Variants in DCT observed in about 807,000 individuals in gnomAD.
DCT encodes L-dopachrome tautomerase.
A neutral mutation model predicts 53.0 loss-of-function variants in DCT; 47 were observed. The ratio of observed to expected loss-of-function variants is 0.89; its 90% CI spans 0.70 to 1.13. The LOEUF is 1.13. Among genes scored for constraint, DCT ranks in the 50% most tolerant of loss-of-function variants. The pLI, the probability that DCT is intolerant of heterozygous loss-of-function variation, is 0.00. For synonymous variants in DCT, 244 were observed against 237.0 expected (o/e 1.03, Z -0.27); for missense variants, 669 against 637.4 (o/e 1.05, Z -0.53).
the DCT span, among the ~76,000 whole-genome samples, chr13:94,521,188 C>G: frequency 6.6e-5 from 10 of 152,166 alleles, no homozygotes; most frequent in South Asian, 1.9e-3. Flanking sequence ...CTCTGAGTTT[C>G]TGCTACATAT....
the DCT span, among the ~76,000 whole-genome samples, chr13:94,514,456 T>G: frequency 6.6e-6 from 1 of 152,282 alleles, no homozygotes; most frequent in East Asian, 1.9e-4. Context: ...TAGCAGCTAG[T>G]AAGCAAAGTG....
chr13:94,542,298 C>T, the DCT span, among the ~76,000 whole-genome samples: 6 of 152,168 alleles, frequency 3.9e-5, no homozygotes, highest in African/African-American at 1.2e-4. Context: ...AAGCAATTCT[C>T]CCACTTCAGC....
chr13:94,501,054 C>CT, the DCT span, among the ~76,000 whole-genome samples: 675 of 152,084 alleles, frequency 4.4e-3, 3 homozygotes, highest in Non-Finnish European at 7.0e-3. Context: ...ATCACGAGGT[C>CT]AGCAGATAGA....
At chr13:94,536,741 G>A in the DCT span, among the ~76,000 whole-genome samples, 5 of 152,084 alleles carry the variant, frequency 3.3e-5, no homozygotes, top group East Asian at 5.8e-4. Flanking sequence ...CCAGGAGTTC[G>A]AGACCAGCCT....
intron 6 of DCT, chr13:94,452,548 T>G (rs1192964547): frequency 1.4e-6 from 1 of 734,886 alleles, no homozygotes; most frequent in Non-Finnish European, 2.5e-6. Context: ...GTAACATTTA[T>G]CAAATTTCAA....
intron 6 of DCT, among the ~76,000 whole-genome samples, chr13:94,453,103 T>A (rs1487489165): frequency 6.6e-6 from 1 of 152,130 alleles, no homozygotes; most frequent in East Asian, 1.9e-4. Context: ...ACATAATAGG[T>A]GCCTTATAGA....
the DCT span, among the ~76,000 whole-genome samples, chr13:94,528,727 C>A: frequency 6.6e-6 from 1 of 152,198 alleles, no homozygotes; most frequent in African/African-American, 2.4e-5. Flanking sequence ...GAAGAAACTG[C>A]ATCAATTAAC....
chr13:94,441,390 C>A (rs183656708), intron 7 of DCT, among the ~76,000 whole-genome samples: 1 of 152,284 alleles, frequency 6.6e-6, no homozygotes, highest in East Asian at 1.9e-4. Context: ...ACCACCTTGA[C>A]CATTTTTAAA....
chr13:94,484,685 G>A, the DCT span, among the ~76,000 whole-genome samples: 2 of 152,112 alleles, frequency 1.3e-5, no homozygotes, highest in African/African-American at 2.4e-5. Flanking sequence ...TTTCCTCTCT[G>A]CACATGCACT....
At chr13:94,522,889 G>C in the DCT span, among the ~76,000 whole-genome samples, 3 of 152,172 alleles carry the variant, frequency 2.0e-5, no homozygotes, top group Non-Finnish European at 4.4e-5. Context: ...GTTTTTCCTG[G>C]TACAGTCAAG....
intron 1 of DCT, among the ~76,000 whole-genome samples, chr13:94,470,507 T>A (rs1439741252): frequency 6.6e-6 from 1 of 152,152 alleles, no homozygotes; most frequent in Admixed American, 6.5e-5. Flanking sequence ...GAGGGTAAAA[T>A]TTAAATATCA....
chr13:94,439,587 T>A lies in DCT; in HGVS notation c.*311A>T, dbSNP rs1882125532. ...GTTTTGGGATTTTTTTTGTTTTTTT[T>A]TAAATGCTTTCAGAAAAGGAGGAGG... is the stretch of plus-strand genomic sequence containing the variant. On this transcript the variant is annotated 3_prime_UTR_variant, in exon 8 of 8. Transcript: ENST00000377028. The A allele has an allele frequency of 1.8e-5, 3 of 171,376 alleles. No homozygotes were observed. Among genetic ancestry groups the A allele is most frequent in the African/African-American group, 7.2e-5 (3 of 41,688 alleles). The allele number at this position is 171,376 out of a possible 1,614,324, so 10.6% of individuals were successfully genotyped here. A position where few individuals can be genotyped will look rare whatever the true frequency, so the allele number is the denominator to read the frequency against.
chr13:94,472,659 G>A (rs1489693394), intron 1 of DCT, among the ~76,000 whole-genome samples: 20 of 129,984 alleles, frequency 1.5e-4, no homozygotes, highest in Non-Finnish European at 2.5e-4. Context: ...TCAGCTCCCT[G>A]CAACAACCAC....
At chr13:94,549,164 G>T in the DCT span, among the ~76,000 whole-genome samples, 2 of 152,250 alleles carry the variant, frequency 1.3e-5, no homozygotes, top group African/African-American at 4.8e-5. Flanking sequence ...ACTGGGTTCC[G>T]CTCACCGGCA....
the DCT span, among the ~76,000 whole-genome samples, chr13:94,491,430 C>T: frequency 5.1e-4 from 78 of 151,810 alleles, no homozygotes; most frequent in African/African-American, 1.8e-3. Flanking sequence ...TCCAGTATGA[C>T]CTCATCTTAA....
At chr13:94,468,585 TA>T in intron 2 of DCT, 160 bp downstream of exon 2, 1 of 673,284 alleles carries the variant, frequency 1.5e-6, no homozygotes, top group Non-Finnish European at 2.6e-6. Context: ...TGCTTCCTTC[TA>T]ACTCCAGGCG....
chr13:94,477,834 C>T (rs1885194812), intron 1 of DCT, among the ~76,000 whole-genome samples: 1 of 152,156 alleles, frequency 6.6e-6, no homozygotes, highest in South Asian at 2.1e-4. Context: ...CTTCTGCAAC[C>T]ACCCAGCCTA....
At chr13:94,470,007 A>G (rs927835401) in intron 1 of DCT, among the ~76,000 whole-genome samples, 5 of 152,160 alleles carry the variant, frequency 3.3e-5, no homozygotes, top group African/African-American at 1.2e-4. Context: ...CCCGGGAAGT[A>G]GAGGTTGCAA....
chr13:94,446,178 C>G (rs1882716977), intron 6 of DCT, among the ~76,000 whole-genome samples: 1 of 152,188 alleles, frequency 6.6e-6, no homozygotes, highest in African/African-American at 2.4e-5. Context: ...TAAACCTCAA[C>G]AGTGGACACC....
Sources: allele counts gnomAD v4.1 joint callset (sites outside exome capture counted in the v4.1 genomes callset), GRCh38; gene constraint gnomAD v4.1.1; transcripts MANE v1.5; gene names NCBI Gene and HGNC (gene_info 2026-07-23, HGNC 2026-07-21).